Variants in DNAH12 observed in about 807,000 individuals in gnomAD.
DNAH12 encodes dynein axonemal heavy chain 12.
In DNAH12, 285 loss-of-function variants were observed where a neutral mutation model predicts 371.5. The ratio of observed to expected loss-of-function variants is 0.77; its 90% CI spans 0.70 to 0.85. The LOEUF (loss-of-function observed/expected upper bound fraction) is 0.85. DNAH12 is among the 40% of genes least tolerant of loss of function. DNAH12 has a pLI of 0.00. For missense variants in DNAH12, 3,611 were observed against 3,689.4 expected (o/e 0.98, Z 0.55); for synonymous variants, 1,200 against 1,213.0 (o/e 0.99, Z 0.22).
intron 59 of DNAH12, among the ~76,000 whole-genome samples, chr3:57,352,994 C>T (rs945447950): frequency 1.3e-5 from 2 of 151,996 alleles, no homozygotes; most frequent in Non-Finnish European, 2.9e-5. Context: ...GAGGCTGAGG[C>T]AGGAGAATTG....
intron 28 of DNAH12, 110 bp downstream of exon 28, chr3:57,445,062 GAA>G: frequency 7.8e-7 from 1 of 1,287,792 alleles, no homozygotes; most frequent in East Asian, 2.6e-5. Flanking sequence ...AACCTCTTAT[GAA>G]AAGACAAAGC....
At chr3:57,496,409 AAG>A (rs1394521761) in intron 11 of DNAH12, among the ~76,000 whole-genome samples, 1 of 152,194 alleles carries the variant, frequency 6.6e-6, no homozygotes, top group Non-Finnish European at 1.5e-5. Flanking sequence ...TAACAGAAAA[AAG>A]AGAAAATCCA....
At chr3:57,312,868 T>C (rs2061608972) in intron 66 of DNAH12, among the ~76,000 whole-genome samples, 2 of 152,248 alleles carry the variant, frequency 1.3e-5, no homozygotes, top group Non-Finnish European at 2.9e-5. Context: ...GCCCTGATAT[T>C]TTTTAAAGAC....
intron 61 of DNAH12, 82 bp from the exon 62 acceptor site, chr3:57,334,691 C>G (rs968675024): frequency 1.3e-5 from 20 of 1,505,642 alleles, no homozygotes; most frequent in Non-Finnish European, 1.6e-5. Flanking sequence ...AGAAACCAGA[C>G]AGCTATTTAA....
intron 49 of DNAH12, among the ~76,000 whole-genome samples, chr3:57,384,565 G>A (rs2063462929): frequency 6.6e-6 from 1 of 152,052 alleles, no homozygotes; most frequent in Non-Finnish European, 1.5e-5. Flanking sequence ...AATCATTTGA[G>A]CCCAGGAGAT....
At chr3:57,440,252 C>G (rs573286962) in intron 29 of DNAH12, among the ~76,000 whole-genome samples, 7 of 152,290 alleles carry the variant, frequency 4.6e-5, no homozygotes, top group Middle Eastern at 3.4e-3. Flanking sequence ...GCACTATTCA[C>G]AATAGCAAAG....
intron 60 of DNAH12, among the ~76,000 whole-genome samples, chr3:57,341,916 A>G (rs2062410705): frequency 6.6e-6 from 1 of 152,222 alleles, no homozygotes; most frequent in Non-Finnish European, 1.5e-5. Context: ...ATACAACCAG[A>G]CACACAGACC....
At chr3:57,431,638 T>C (rs2064958492) in intron 32 of DNAH12, among the ~76,000 whole-genome samples, 1 of 152,194 alleles carries the variant, frequency 6.6e-6, no homozygotes, top group Admixed American at 6.5e-5. Context: ...TCAATAACTT[T>C]GAAGTCTTAC....
At chr3:57,378,051 A>C (rs923358616) in intron 52 of DNAH12, among the ~76,000 whole-genome samples, 1 of 152,182 alleles carries the variant, frequency 6.6e-6, no homozygotes, top group Non-Finnish European at 1.5e-5. Flanking sequence ...TGAAATCATG[A>C]AAGAAAATGT....
At chr3:57,490,349 A>G (rs2067074269) in intron 11 of DNAH12, among the ~76,000 whole-genome samples, 2 of 152,126 alleles carry the variant, frequency 1.3e-5, no homozygotes, top group Non-Finnish European at 2.9e-5. Flanking sequence ...TATAATGATA[A>G]TAATCCAGGA....
intron 66 of DNAH12, among the ~76,000 whole-genome samples, chr3:57,313,307 A>G (rs1401531006): frequency 6.6e-6 from 1 of 152,042 alleles, no homozygotes; most frequent in East Asian, 1.9e-4. Flanking sequence ...ACCAGCCTGG[A>G]CAACGTAGCA....
intron 43 of DNAH12, among the ~76,000 whole-genome samples, chr3:57,398,400 A>G (rs1301511116): frequency 6.6e-6 from 1 of 152,240 alleles, no homozygotes; most frequent in Non-Finnish European, 1.5e-5. Flanking sequence ...AAAATTTCTC[A>G]AATCTCAGGA....
At chr3:57,308,102 G>A (rs921712687) in intron 69 of DNAH12, among the ~76,000 whole-genome samples, 3 of 152,128 alleles carry the variant, frequency 2.0e-5, no homozygotes, top group East Asian at 1.9e-4. Context: ...CTGGCAAATT[G>A]GCTTTACTTG....
At chr3:57,407,269 G>T (rs1406495080) in intron 40 of DNAH12, among the ~76,000 whole-genome samples, 1 of 107,372 alleles carries the variant, frequency 9.3e-6, no homozygotes, top group African/African-American at 3.8e-5. Flanking sequence ...GGTCTATAAT[G>T]CTTCAAAGAC....
chr3:57,428,367 ATATT>A, intron 34 of DNAH12: 1 of 1,321,746 alleles, frequency 7.6e-7, no homozygotes, highest in Non-Finnish European at 1.0e-6. Context: ...TTAGAGGCAC[ATATT>A]TAAAATAATT....
chr3:57,500,033 T>G (rs1395182948), intron 11 of DNAH12, among the ~76,000 whole-genome samples: 1 of 130,544 alleles, frequency 7.7e-6, no homozygotes, highest in Non-Finnish European at 1.6e-5. Flanking sequence ...TCCCCACTAC[T>G]ATCAGAATTA....
chr3:57,497,397 A>T (rs1295182704), intron 11 of DNAH12, among the ~76,000 whole-genome samples: 1 of 152,254 alleles, frequency 6.6e-6, no homozygotes, highest in Non-Finnish European at 1.5e-5. Context: ...ACAGATACAT[A>T]AATCAATGGA....
At chr3:57,316,228 G>A (rs1001416889) in intron 65 of DNAH12, among the ~76,000 whole-genome samples, 6 of 151,424 alleles carry the variant, frequency 4.0e-5, no homozygotes, top group Admixed American at 3.9e-4. Flanking sequence ...CCATCAGTGA[G>A]GGTATGCATT....
intron 66 of DNAH12, 25 bp downstream of exon 66, chr3:57,314,469 A>G (rs1034632266): frequency 1.9e-6 from 3 of 1,550,498 alleles, no homozygotes; most frequent in Admixed American, 2.0e-5. Flanking sequence ...ATCCTTCATG[A>G]ATGTTAATTT....
Sources: allele counts gnomAD v4.1 joint callset (sites outside exome capture counted in the v4.1 genomes callset), GRCh38; gene constraint gnomAD v4.1.1; transcripts MANE v1.5; gene names NCBI Gene and HGNC (gene_info 2026-07-23, HGNC 2026-07-21).